Variants in RCC1 observed in about 807,000 individuals in gnomAD.
RCC1 encodes the protein regulator of chromosome condensation 1, also known as regulator of chromosome condensation.
In RCC1, 11 loss-of-function variants were observed where a neutral mutation model predicts 44.4. The observed-to-expected ratio is 0.25, with a 90% CI of 0.16 to 0.41. The LOEUF is 0.41. Ranked by LOEUF, RCC1 falls within the 10% of genes least tolerant of loss-of-function variation. RCC1 has a pLI of 1.00. For synonymous variants in RCC1, 213 were observed against 216.5 expected, an observed-to-expected ratio of 0.98 and a Z score of 0.14; for missense variants, 386 against 547.1, an observed-to-expected ratio of 0.71 and a Z score of 2.94.
At chr1:28,515,909 C>T (rs537910212) in intron 3 of RCC1, among the ~76,000 whole-genome samples, 4 of 151,958 alleles carry the variant, frequency 2.6e-5, no homozygotes, top group South Asian at 4.2e-4. Context: ...TGGCCAGGCG[C>T]GGTGGCTCAC....
At chr1:28,514,514 C>T (rs1232138820) in intron 3 of RCC1, among the ~76,000 whole-genome samples, 1 of 150,958 alleles carries the variant, frequency 6.6e-6, no homozygotes, top group African/African-American at 2.4e-5. Flanking sequence ...GTAATCCCAG[C>T]ACTTTGGGAG....
intron 7 of RCC1, 176 bp downstream of exon 7, chr1:28,532,526 G>C (rs539715996): frequency 3.2e-6 from 2 of 618,338 alleles, no homozygotes; most frequent in East Asian, 5.7e-5. Context: ...GCCTGTCCAC[G>C]CCACTGGCTG....
At chr1:28,514,917 CTT>C (rs1219192211) in intron 3 of RCC1, among the ~76,000 whole-genome samples, 2 of 152,062 alleles carry the variant, frequency 1.3e-5, no homozygotes, top group African/African-American at 4.8e-5. Flanking sequence ...ACTATATAGT[CTT>C]TGATATTGTC....
chr1:28,523,007 G>A (rs1016540802), intron 4 of RCC1, among the ~76,000 whole-genome samples: 6 of 148,576 alleles, frequency 4.0e-5, no homozygotes, highest in Non-Finnish European at 5.9e-5. Context: ...GCATGGGGAG[G>A]AAGGAGGCAG....
chr1:28,521,521 A>AG (rs1663282474), intron 4 of RCC1, among the ~76,000 whole-genome samples: 1 of 149,552 alleles, frequency 6.7e-6, no homozygotes, highest in African/African-American at 2.4e-5. Context: ...AAAAAAAAAA[A>AG]AAGAAGGTGG....
At chr1:28,506,191 T>C (rs1490768403) in intron 1 of RCC1, 107 bp downstream of exon 1, 1 of 444,804 alleles carries the variant, frequency 2.2e-6, no homozygotes, top group Non-Finnish European at 4.5e-6. Context: ...TATAGTATTT[T>C]ATTTATTTAC....
intron 4 of RCC1, among the ~76,000 whole-genome samples, chr1:28,517,434 G>T (rs903367619): frequency 6.6e-6 from 1 of 151,962 alleles, no homozygotes; most frequent in Non-Finnish European, 1.5e-5. Context: ...TTTTCCCCAA[G>T]TCCATTCTCT....
rs750809272 is a variant in RCC1, at chr1:28,531,987, C to A, written c.258C>A (p.Gly86=). The change falls in exon 6 of 13, where the codon GGC becomes GGA. Residue 86 remains glycine (G), a synonymous_variant. Transcript: ENST00000683442. ...GMHTVCLSKS[G]QVYSFGCNDE... Reference sequence around the variant, plus strand: ...ACACCGTGTGTCTAAGCAAAAGTGGCCAGGTAGGTGTTGGGGACTGGCACA... The same window carrying A: ...ACACCGTGTGTCTAAGCAAAAGTGGACAGGTAGGTGTTGGGGACTGGCACA... The A allele has an allele frequency of 6.4e-7, 1 of 1,570,680 alleles. No individual in the cohort carries two copies. The highest frequency in any genetic ancestry group is 1.2e-5 in the South Asian group (1 of 82,512).
chr1:28,519,667 A>G (rs1169396771), intron 4 of RCC1, among the ~76,000 whole-genome samples: 1 of 151,614 alleles, frequency 6.6e-6, no homozygotes, highest in Admixed American at 6.6e-5. Context: ...TCCTAGGTTC[A>G]AGCAATTCTG....
At chr1:28,519,195 G>C (rs1036988172) in intron 4 of RCC1, among the ~76,000 whole-genome samples, 1 of 152,174 alleles carries the variant, frequency 6.6e-6, no homozygotes, top group Non-Finnish European at 1.5e-5. Context: ...CAGAGGGATT[G>C]CACGTGCAAC....
intron 4 of RCC1, among the ~76,000 whole-genome samples, chr1:28,524,901 C>T (rs112895538): frequency 4.4e-4 from 67 of 152,212 alleles, no homozygotes; most frequent in African/African-American, 1.6e-3. Context: ...ATCCTTGCTA[C>T]ACCTCCTCAC....
In RCC1 at chr1:28,538,062, G is replaced by T; in HGVS notation, c.*55G>T. 1 of 1,545,700 alleles carries T rather than the reference G, an allele frequency of 6.5e-7. No homozygotes were observed. The highest frequency in any genetic ancestry group is 8.8e-7 in the Non-Finnish European group (1 of 1,137,492). ...TGCACAACCTCCCTCACAGAACAGG[G>T]AAGCAGTGACAGCTGCAGATGGCAG... On this transcript the variant is annotated 3_prime_UTR_variant, in exon 13 of 13. Coordinates refer to ENST00000683442, the MANE Select transcript of RCC1 (RefSeq NM_001381865.2).
At chr1:28,517,585 G>C (rs1384043179) in intron 4 of RCC1, among the ~76,000 whole-genome samples, 6 of 151,950 alleles carry the variant, frequency 3.9e-5, no homozygotes, top group Non-Finnish European at 7.4e-5. Context: ...GTTAACTCAC[G>C]GGGAAAAAAA....
In RCC1 at chr1:28,538,736, C is replaced by G. The variant is rs184291957; in HGVS notation, c.*729C>G. 1 of 152,288 alleles carries G rather than the reference C, an allele frequency of 6.6e-6. No homozygotes were observed. The highest frequency in any genetic ancestry group is 1.9e-4 in the East Asian group (1 of 5,184). 9.4% of individuals were successfully genotyped at this position (152,288 alleles called of 1,614,324 possible). On this transcript the variant is annotated 3_prime_UTR_variant, in exon 13 of 13. Coordinates refer to ENST00000683442, the MANE Select transcript of RCC1 (RefSeq NM_001381865.2). ...CAAAGAGACACCACTCTGGGCAGAGCAGAGCAGGGTATGGGGTGGGGAGAG... is the reference window on the plus strand; with the variant it reads ...CAAAGAGACACCACTCTGGGCAGAGGAGAGCAGGGTATGGGGTGGGGAGAG...
intron 2 of RCC1, 160 bp downstream of exon 2, chr1:28,508,320 T>C: frequency 2.8e-6 from 1 of 352,246 alleles, no homozygotes; most frequent in Admixed American, 3.7e-5. Context: ...CTTTGCTGCA[T>C]TTTTGTAGGC....
chr1:28,538,833 G>A lies in RCC1; in HGVS notation c.*826G>A, dbSNP rs1664721149. ...GGTGGGGGATTGAGGGAGGGACAGA[G>A]TGTTGGAGGGCCAGAGACTAGTCCT... On this transcript the variant is annotated 3_prime_UTR_variant, in exon 13 of 13. Transcript: ENST00000683442. The A allele has an allele frequency of 2.0e-5, 3 of 152,148 alleles. No individual in the cohort carries two copies. 9.4% of individuals were successfully genotyped at this position (152,148 alleles called of 1,614,324 possible).
chr1:28,531,726 G>T, intron 5 of RCC1, 77 bp from the exon 6 acceptor site: 1 of 1,299,362 alleles, frequency 7.7e-7, no homozygotes, highest in Non-Finnish European at 1.0e-6. Flanking sequence ...GCACAGGTTT[G>T]TCTGATCCCA....
chr1:28,525,857 C>T (rs1325014991), intron 4 of RCC1, among the ~76,000 whole-genome samples: 1 of 152,134 alleles, frequency 6.6e-6, no homozygotes. Flanking sequence ...TCGGGAACCA[C>T]TAGAAGGAAG....
Position 28,538,220 on chromosome 1 carries a change from CAG to C in RCC1, c.*214_*215del, listed in dbSNP as rs1417095655. 12 of 484,740 alleles carry C rather than the reference CAG, an allele frequency of 2.5e-5. No homozygotes were observed. The highest frequency in any genetic ancestry group is 4.0e-5 in the Non-Finnish European group (11 of 274,708). The allele number at this position is 484,740 out of a possible 1,614,324, so 30.0% of individuals were successfully genotyped here. The stretch of plus-strand genomic sequence containing the variant: ...CCTACAGAATAAAGGGGGGGATGGA[CAG>C]GGGGTTTTCAAAAGGAACATGGCTC... On this transcript the variant is annotated 3_prime_UTR_variant, in exon 13 of 13. Coordinates refer to ENST00000683442, the MANE Select transcript of RCC1 (RefSeq NM_001381865.2).
Sources: allele counts gnomAD v4.1 joint callset (sites outside exome capture counted in the v4.1 genomes callset), GRCh38; gene constraint gnomAD v4.1.1; transcripts MANE v1.5; gene names NCBI Gene and HGNC (gene_info 2026-07-23, HGNC 2026-07-21).